Variants in ADAMTS19 observed in about 807,000 individuals in gnomAD.
ADAMTS19 encodes the protein ADAM metallopeptidase with thrombospondin type 1 motif 19.
A neutral mutation model predicts 153.3 loss-of-function variants in ADAMTS19; 93 were observed. The ratio of observed to expected loss-of-function variants is 0.61; its 90% confidence interval spans 0.51 to 0.72. The LOEUF is 0.72. Among genes scored for constraint, ADAMTS19 ranks in the 30% least tolerant of loss-of-function variants. ADAMTS19 has a pLI of 0.00. For synonymous variants in ADAMTS19, 600 were observed against 556.6 expected, an observed-to-expected ratio of 1.08 and a Z score of -1.10; for missense variants, 1,482 against 1,552.1, an observed-to-expected ratio of 0.95 and a Z score of 0.76.
rs113493869 is a variant in ADAMTS19, at chr5:129,498,091, C to T, written c.748-10986C>T. Among the ~76,000 whole-genome samples, 364 of 152,124 alleles carry T rather than the reference C, an allele frequency of 2.4e-3. 4 individuals are homozygous for T. Among genetic ancestry groups the T allele is most frequent in the African/African-American group, 8.3e-3 (345 of 41,532 alleles). ...CTGCCATCATTGTTTATGTATGACTCCTATCACTGCCTCAGTCTCCACACC... is the reference window on the plus strand; with the variant it reads ...CTGCCATCATTGTTTATGTATGACTTCTATCACTGCCTCAGTCTCCACACC... On this transcript the variant is annotated intron_variant, in intron 2 of 22. Transcript: ENST00000274487.
chr5:129,730,471 A>G (rs930779803), intron 21 of ADAMTS19, among the ~76,000 whole-genome samples: 10 of 152,190 alleles, frequency 6.6e-5, no homozygotes, highest in African/African-American at 2.4e-4. Context: ...ATTCTGCAGT[A>G]AGCTATTGTC....
chr5:129,553,332 T>C (rs111531109), intron 7 of ADAMTS19, among the ~76,000 whole-genome samples: 33 of 152,252 alleles, frequency 2.2e-4, no homozygotes, highest in Non-Finnish European at 4.6e-4. Flanking sequence ...ATTTCTGTTT[T>C]GATGACAACA....
chr5:129,540,118 T>C (rs1752606091), intron 6 of ADAMTS19, among the ~76,000 whole-genome samples: 1 of 152,118 alleles, frequency 6.6e-6, no homozygotes, highest in Admixed American at 6.6e-5. Context: ...CATGTTCTTA[T>C]CCATATTTGG....
In ADAMTS19 at chr5:129,737,387, A is replaced by C; in HGVS notation, c.*169A>C. The stretch of plus-strand genomic sequence containing the variant: ...ATGTGGTGCTTGTTTTGGTTACACA[A>C]ACATTTTGATTTATACTATATGGCT... On this transcript the variant is annotated 3_prime_UTR_variant, in exon 23 of 23. Transcript: ENST00000274487. 1 of 596,548 alleles carries C rather than the reference A, an allele frequency of 1.7e-6. No homozygotes were observed. The highest frequency in any genetic ancestry group is 2.5e-6 in the Non-Finnish European group (1 of 398,850). The allele number at this position is 596,548 out of a possible 1,614,324, so 37.0% of individuals were successfully genotyped here. A position where few individuals can be genotyped will look rare whatever the true frequency, so the allele number is the denominator to read the frequency against.
intron 11 of ADAMTS19, among the ~76,000 whole-genome samples, chr5:129,646,906 A>G (rs1753088388): frequency 6.6e-6 from 1 of 152,134 alleles, no homozygotes; most frequent in African/African-American, 2.4e-5. Context: ...ACCATCATCT[A>G]TTTGATTTTC....
chr5:129,468,975 C>T (rs1749970292), intron 2 of ADAMTS19, among the ~76,000 whole-genome samples: 1 of 151,978 alleles, frequency 6.6e-6, no homozygotes, highest in Admixed American at 6.6e-5. Context: ...TGGGGTTTTG[C>T]CATGTTGGCC....
intron 2 of ADAMTS19, among the ~76,000 whole-genome samples, chr5:129,463,402 A>C (rs1249572404): frequency 6.6e-6 from 1 of 152,214 alleles, no homozygotes; most frequent in Non-Finnish European, 1.5e-5. Context: ...TTATAAAAAA[A>C]GAATTATAAG....
chr5:129,516,324 G>C, intron 3 of ADAMTS19, among the ~76,000 whole-genome samples: 1 of 137,650 alleles, frequency 7.3e-6, no homozygotes, highest in Non-Finnish European at 1.6e-5. Context: ...GAATGACTTT[G>C]GAAGTATTCC....
intron 3 of ADAMTS19, among the ~76,000 whole-genome samples, chr5:129,523,648 A>C (rs1231895580): frequency 1.3e-5 from 2 of 152,162 alleles, no homozygotes; most frequent in East Asian, 3.9e-4. Context: ...GCATACAGGA[A>C]ATTGCAGAAA....
intron 3 of ADAMTS19, among the ~76,000 whole-genome samples, chr5:129,515,139 T>C (rs979156474): frequency 3.9e-5 from 6 of 152,096 alleles, no homozygotes; most frequent in East Asian, 1.9e-4. Context: ...TTATATTCCA[T>C]TGGTCTATGT....
intron 2 of ADAMTS19, among the ~76,000 whole-genome samples, chr5:129,502,129 C>T (rs1051015530): frequency 3.9e-5 from 6 of 152,106 alleles, no homozygotes; most frequent in Middle Eastern, 3.4e-3. Context: ...GGATGAGAAA[C>T]ATGACCTGTT....
At chr5:129,608,776 G>A (rs1161817194) in intron 8 of ADAMTS19, among the ~76,000 whole-genome samples, 2 of 150,226 alleles carry the variant, frequency 1.3e-5, no homozygotes, top group African/African-American at 4.9e-5. Flanking sequence ...AAACCTGGGA[G>A]GCAGAGGTTG....
chr5:129,658,320 A>AG (rs1491498991), intron 14 of ADAMTS19, among the ~76,000 whole-genome samples: 22 of 87,894 alleles, frequency 2.5e-4, no homozygotes, highest in Non-Finnish European at 9.7e-5. Flanking sequence ...AAAGAAAGAA[A>AG]GAAAGAAAGA....
At chr5:129,570,003 T>G (rs1169390903) in intron 7 of ADAMTS19, among the ~76,000 whole-genome samples, 1 of 152,018 alleles carries the variant, frequency 6.6e-6, no homozygotes, top group Non-Finnish European at 1.5e-5. Context: ...AGAATTCCCC[T>G]ATTTCTTCGG....
intron 8 of ADAMTS19, among the ~76,000 whole-genome samples, chr5:129,612,981 A>G (rs1751308798): frequency 6.6e-6 from 1 of 152,216 alleles, no homozygotes; most frequent in Non-Finnish European, 1.5e-5. Flanking sequence ...GAAAAAGAAG[A>G]GCTAACTATC....
intron 2 of ADAMTS19, among the ~76,000 whole-genome samples, chr5:129,492,100 T>C (rs191310497): frequency 1.1e-3 from 165 of 152,302 alleles, no homozygotes; most frequent in Non-Finnish European, 2.0e-3. Flanking sequence ...TCTGCTTCTG[T>C]GGAGGTCTCA....
At chr5:129,558,683 G>C (rs1415378388) in intron 7 of ADAMTS19, among the ~76,000 whole-genome samples, 1 of 152,046 alleles carries the variant, frequency 6.6e-6, no homozygotes, top group Admixed American at 6.6e-5. Flanking sequence ...TCTGAAAATT[G>C]CCAAGGTACT....
chr5:129,611,316 G>T lies in ADAMTS19; in HGVS notation c.1479-9302G>T, dbSNP rs549755910. On this transcript the variant is annotated intron_variant, in intron 8 of 22. Transcript: ENST00000274487. ...AATTAGATCCCATTTGTCAATGTTG[G>T]CTTTTGTTACCATTGCTTTTGGTGT... 2.0e-4 allele frequency among the ~76,000 whole-genome samples: 30 copies of T among 152,202 alleles called. 2 individuals are homozygous for T. The highest frequency in any genetic ancestry group is 6.5e-4 in the African/African-American group (27 of 41,540).
At chr5:129,504,970 T>C (rs897680886) in intron 2 of ADAMTS19, among the ~76,000 whole-genome samples, 3 of 152,024 alleles carry the variant, frequency 2.0e-5, no homozygotes, top group Admixed American at 2.0e-4. Flanking sequence ...CTGTTGTTAA[T>C]AGTGGTGCAA....
Sources: gnomAD v4.1 joint callset for allele counts (sites outside exome capture counted in the v4.1 genomes callset) on GRCh38, gnomAD v4.1.1 for gene constraint, MANE v1.5 for transcripts, NCBI Gene and HGNC (gene_info 2026-07-23, HGNC 2026-07-21) for gene names.